Variants in AGBL1 observed in about 807,000 individuals in gnomAD.
AGBL1 encodes AGBL carboxypeptidase 1.
A neutral mutation model predicts 118.9 loss-of-function variants in AGBL1; 130 were observed. That is an observed-to-expected ratio of 1.09 (90% CI 0.95 to 1.26). The LOEUF is 1.26. Among genes scored for constraint, AGBL1 ranks in the 50% most tolerant of loss-of-function variants. The pLI, the probability that AGBL1 is intolerant of heterozygous loss-of-function variation, is 0.00. For synonymous variants in AGBL1, 555 were observed against 478.9 expected, an observed-to-expected ratio of 1.16 and a Z score of -2.08; for missense variants, 1,584 against 1,298.1, an observed-to-expected ratio of 1.22 and a Z score of -3.38.
At chr15:86,616,484 A>G (rs2084728100) in intron 21 of AGBL1, among the ~76,000 whole-genome samples, 1 of 152,156 alleles carries the variant, frequency 6.6e-6, no homozygotes, top group Non-Finnish European at 1.5e-5. Context: ...GGAAAGGAGA[A>G]AAGAATGAGC....
At chr15:86,770,242 T>A (rs990913648) in intron 22 of AGBL1, among the ~76,000 whole-genome samples, 1 of 151,958 alleles carries the variant, frequency 6.6e-6, no homozygotes, top group Non-Finnish European at 1.5e-5. Context: ...CCTGCTCTCA[T>A]GAAGCTCACT....
chr15:86,617,807 G>A (rs1371917003), intron 21 of AGBL1, among the ~76,000 whole-genome samples: 1 of 151,790 alleles, frequency 6.6e-6, no homozygotes, highest in African/African-American at 2.4e-5. Flanking sequence ...CAGCCAGAGC[G>A]AGAGAGAAAG....
intron 21 of AGBL1, among the ~76,000 whole-genome samples, chr15:86,571,247 T>C (rs1316198087): frequency 1.3e-5 from 2 of 152,254 alleles, no homozygotes; most frequent in Non-Finnish European, 1.5e-5. Context: ...TCTCTTCTGC[T>C]CTTCACTCCC....
intron 21 of AGBL1, among the ~76,000 whole-genome samples, chr15:86,629,983 A>C (rs2084940151): frequency 6.6e-6 from 1 of 152,262 alleles, no homozygotes; most frequent in Non-Finnish European, 1.5e-5. Context: ...TGGCAGCCAA[A>C]GCAGATGCTT....
intron 22 of AGBL1, among the ~76,000 whole-genome samples, chr15:86,820,434 A>G (rs1055913919): frequency 1.3e-5 from 2 of 152,086 alleles, no homozygotes; most frequent in African/African-American, 4.8e-5. Flanking sequence ...AGGAACTTAA[A>G]CAAATTTACA....
chr15:86,903,100 T>C (rs1393325280), intron 22 of AGBL1, among the ~76,000 whole-genome samples: 1 of 152,040 alleles, frequency 6.6e-6, no homozygotes, highest in Non-Finnish European at 1.5e-5. Context: ...AAGTCTATTT[T>C]CACGTTTTTG....
chr15:86,253,413 G>T (rs762682045), intron 7 of AGBL1, among the ~76,000 whole-genome samples: 2 of 152,074 alleles, frequency 1.3e-5, no homozygotes, highest in Non-Finnish European at 2.9e-5. Context: ...ACAATGCCTG[G>T]CTAATTTTTG....
At position 86,308,214 on chromosome 15, in the gene AGBL1, G is replaced by A. The variant is rs550241496; in HGVS notation, c.2374+12806G>A. ...AATTCCTATGTATGAATTTAGGTCA[G>A]TTTCTCCCCTAGAATTCATGAGTTG... On this transcript the variant is annotated intron_variant, in intron 17 of 22. Transcript: ENST00000614907. Among the ~76,000 whole-genome samples the A allele has an allele frequency of 3.3e-5, 5 of 152,112 alleles. No homozygotes were observed. The East Asian group carries it at 9.6e-4, about 29-fold the overall frequency.
intron 3 of AGBL1, among the ~76,000 whole-genome samples, chr15:86,151,509 A>G (rs1338570425): frequency 1.3e-5 from 2 of 152,200 alleles, no homozygotes; most frequent in African/African-American, 4.8e-5. Flanking sequence ...TAAACTAGGT[A>G]TTGATGGAAC....
At chr15:86,752,073 G>T (rs1229998134) in intron 22 of AGBL1, among the ~76,000 whole-genome samples, 2 of 151,994 alleles carry the variant, frequency 1.3e-5, no homozygotes, top group Non-Finnish European at 2.9e-5. Context: ...ATGTCATTCT[G>T]TAAATCACAC....
intron 1 of AGBL1, among the ~76,000 whole-genome samples, chr15:86,115,342 G>A (rs1016290071): frequency 4.6e-5 from 7 of 152,152 alleles, no homozygotes; most frequent in African/African-American, 1.7e-4. Context: ...ACTAGGTTGT[G>A]CTAGAGTATA....
intron 22 of AGBL1, among the ~76,000 whole-genome samples, chr15:86,886,144 T>C (rs1338434874): frequency 6.6e-6 from 1 of 152,244 alleles, no homozygotes; most frequent in Non-Finnish European, 1.5e-5. Flanking sequence ...AAACATCCTG[T>C]TCTCATACTT....
chr15:86,280,519 G>A (rs1231361669), intron 16 of AGBL1, among the ~76,000 whole-genome samples: 1 of 152,160 alleles, frequency 6.6e-6, no homozygotes, highest in African/African-American at 2.4e-5. Context: ...AACCCTTACT[G>A]CTACCATTTC....
chr15:86,564,762 G>C (rs1056782720), intron 21 of AGBL1, among the ~76,000 whole-genome samples: 1 of 152,144 alleles, frequency 6.6e-6, no homozygotes, highest in African/African-American at 2.4e-5. Context: ...TCACTTTCAG[G>C]TACACCAATC....
At chr15:86,991,291 A>G (rs2081333739) in intron 24 of AGBL1, among the ~76,000 whole-genome samples, 1 of 152,068 alleles carries the variant, frequency 6.6e-6, no homozygotes, top group South Asian at 2.1e-4. Flanking sequence ...GGCACAGAAC[A>G]CCAACTTATT....
rs190242558 is a variant in AGBL1, at chr15:86,427,557, C to T, written c.2555+30011C>T. Among the ~76,000 whole-genome samples, 514 of 115,852 alleles carry T rather than the reference C, an allele frequency of 4.4e-3. 4 individuals are homozygous for T. The highest frequency in any genetic ancestry group is 0.015 in the African/African-American group (474 of 31,342). The allele number at this position is 115,852 out of a possible 152,430, so 76.0% of individuals were successfully genotyped here. The stretch of plus-strand genomic sequence containing the variant: ...ATTCTTCAATTTTAGTGCATGGTTA[C>T]AAAAAAAAAAAAAGGACACCTATTG... On this transcript the variant is annotated intron_variant, in intron 18 of 22. Coordinates refer to ENST00000614907, the MANE Select transcript of AGBL1 (RefSeq NM_001386094.1).
intron 18 of AGBL1, among the ~76,000 whole-genome samples, chr15:86,494,336 C>T (rs1369371036): frequency 6.6e-6 from 1 of 152,024 alleles, no homozygotes; most frequent in Non-Finnish European, 1.5e-5. Context: ...TACAGCTAAT[C>T]TCCTCCCTCC....
At chr15:86,110,034 G>A (rs1018610967) in intron 1 of AGBL1, 8 of 152,174 alleles carry the variant, frequency 5.3e-5, no homozygotes, top group African/African-American at 1.7e-4. Flanking sequence ...CCTCTTGCTA[G>A]TGGTACAAAA....
intron 18 of AGBL1, among the ~76,000 whole-genome samples, chr15:86,434,500 A>T (rs560143041): frequency 2.6e-5 from 4 of 152,298 alleles, no homozygotes; most frequent in African/African-American, 9.6e-5. Context: ...TATTTATGGG[A>T]TGCACCCATT....
Sources: allele counts gnomAD v4.1 joint callset (sites outside exome capture counted in the v4.1 genomes callset), GRCh38; gene constraint gnomAD v4.1.1; transcripts MANE v1.5; gene names NCBI Gene and HGNC (gene_info 2026-07-23, HGNC 2026-07-21).